IPP: variants seen among roughly 807,000 people sequenced by gnomAD.
IPP encodes the protein intracisternal A particle-promoted polypeptide, also known as actin-binding protein IPP.
Under a neutral mutation model 64.1 loss-of-function variants are expected in IPP, and 41 were observed. The observed-to-expected ratio is 0.64, with a 90% confidence interval of 0.50 to 0.83. IPP has a LOEUF of 0.83. IPP is among the 40% of genes least tolerant of loss of function. The pLI, the probability that IPP is intolerant of heterozygous loss-of-function variation, is 0.00. For missense variants in IPP, 649 were observed against 703.0 expected (o/e 0.92, Z 0.87); for synonymous variants, 214 against 235.2 (o/e 0.91, Z 0.83).
intron 8 of IPP, among the ~76,000 whole-genome samples, chr1:45,700,546 C>T (rs1645439003): frequency 6.6e-6 from 1 of 152,010 alleles, no homozygotes; most frequent in South Asian, 2.1e-4. Flanking sequence ...CCATGTTGTC[C>T]AGGATGGTCT....
chr1:45,702,378 T>C (rs1259107796), intron 8 of IPP, among the ~76,000 whole-genome samples: 1 of 151,468 alleles, frequency 6.6e-6, no homozygotes, highest in Non-Finnish European at 1.5e-5. Flanking sequence ...GTAACACAAA[T>C]TGTTAGTAGG....
intron 3 of IPP, among the ~76,000 whole-genome samples, chr1:45,738,192 G>A (rs1309056102): frequency 6.6e-6 from 1 of 152,078 alleles, no homozygotes; most frequent in East Asian, 1.9e-4. Flanking sequence ...GCACAGAGTG[G>A]CAAAAAATTT....
At chr1:45,733,462 C>T (rs1352642419) in intron 3 of IPP, among the ~76,000 whole-genome samples, 1 of 137,942 alleles carries the variant, frequency 7.2e-6, no homozygotes, top group Non-Finnish European at 1.6e-5. Flanking sequence ...AATAAATAAG[C>T]AAGTCATTAA....
chr1:45,723,179 G>A (rs531913206), intron 5 of IPP, among the ~76,000 whole-genome samples: 8 of 151,996 alleles, frequency 5.3e-5, no homozygotes, highest in Non-Finnish European at 7.4e-5. Context: ...TGTATGTATC[G>A]GGAAGAAACT....
In IPP at chr1:45,699,868, A is replaced by G; in HGVS notation, c.*98T>C. 6.6e-7 allele frequency: 1 copy of G among 1,526,556 alleles called. No individual in the cohort carries two copies. The highest frequency in any genetic ancestry group is 8.8e-7 in the Non-Finnish European group (1 of 1,140,596). The allele number at this position is 1,526,556 out of a possible 1,614,324, so 94.6% of individuals were successfully genotyped here. On this transcript the variant is annotated 3_prime_UTR_variant, in exon 9 of 9. Coordinates refer to ENST00000396478, the MANE Select transcript of IPP (RefSeq NM_005897.3). Reference sequence around the variant, plus strand: ...TCTACCAAATACATGGAAAACTCACAGAATCAGAGGGTCTTATCACCAAAT... The same window carrying G: ...TCTACCAAATACATGGAAAACTCACGGAATCAGAGGGTCTTATCACCAAAT...
At chr1:45,728,198 C>T (rs1440389555) in intron 4 of IPP, among the ~76,000 whole-genome samples, 1 of 150,660 alleles carries the variant, frequency 6.6e-6, no homozygotes, top group Non-Finnish European at 1.5e-5. Flanking sequence ...CACTCTGTCA[C>T]CCAGGCTGGA....
intron 8 of IPP, among the ~76,000 whole-genome samples, chr1:45,701,585 C>T (rs1240573516): frequency 6.6e-6 from 1 of 152,090 alleles, no homozygotes; most frequent in Non-Finnish European, 1.5e-5. Flanking sequence ...CCGCACCCAG[C>T]GACTAGTAGT....
At chr1:45,697,547 C>T (rs752801819), downstream of IPP, among the ~76,000 whole-genome samples, 2 of 152,070 alleles carry the variant, frequency 1.3e-5, no homozygotes, top group African/African-American at 2.4e-5. Context: ...CCACGGTGCC[C>T]GGCCTAAACC....
intron 8 of IPP, among the ~76,000 whole-genome samples, chr1:45,705,050 G>A (rs1252238655): frequency 6.6e-6 from 1 of 152,212 alleles, no homozygotes; most frequent in Non-Finnish European, 1.5e-5. Flanking sequence ...GAGTAGCCCC[G>A]CTCTGCAGAA....
At chr1:45,697,088 C>T (rs1048773575), downstream of IPP, 13 of 152,120 alleles carry the variant, frequency 8.5e-5, no homozygotes, top group African/African-American at 3.1e-4. Context: ...TATTCTTTGA[C>T]ATCTTACAGA....
At chr1:45,724,887 T>TGGGG (rs1165662776) in intron 5 of IPP, among the ~76,000 whole-genome samples, 2 of 127,160 alleles carry the variant, frequency 1.6e-5, no homozygotes, top group Non-Finnish European at 3.4e-5. Context: ...GGGAGGGAGG[T>TGGGG]GGGGGGGGTC....
At chr1:45,697,541 G>A (rs562663214), downstream of IPP, among the ~76,000 whole-genome samples, 2 of 152,106 alleles carry the variant, frequency 1.3e-5, no homozygotes, top group African/African-American at 4.8e-5. Flanking sequence ...CATAAGCCAC[G>A]GTGCCCGGCC....
intron 3 of IPP, among the ~76,000 whole-genome samples, chr1:45,730,875 G>A (rs1384115317): frequency 6.6e-6 from 1 of 152,200 alleles, no homozygotes; most frequent in South Asian, 2.1e-4. Flanking sequence ...AAGCAGAACT[G>A]AGAAAAGTTG....
intron 8 of IPP, among the ~76,000 whole-genome samples, chr1:45,705,949 G>T (rs897698092): frequency 9.2e-5 from 14 of 152,110 alleles, no homozygotes; most frequent in African/African-American, 3.4e-4. Context: ...AAACAGGTAC[G>T]CAGAAGGGGA....
chr1:45,698,824 T>A lies in IPP; in HGVS notation c.*1142A>T. 6.5e-6 allele frequency: 2 copies of A among 308,580 alleles called. No homozygotes were observed. The highest frequency in any genetic ancestry group is 9.4e-6 in the Non-Finnish European group (2 of 212,234). The allele number at this position is 308,580 out of a possible 1,614,324, so 19.1% of individuals were successfully genotyped here. On this transcript the variant is annotated 3_prime_UTR_variant, in exon 9 of 9. Coordinates refer to ENST00000396478, the MANE Select transcript of IPP (RefSeq NM_005897.3). The stretch of plus-strand genomic sequence containing the variant: ...GCCTTGACCTCCTGGGCTCAAGTGA[T>A]CCTGCAACCTCAGCCTCCCAAGCAG...
At chr1:45,716,170 A>G (rs964455242) in intron 7 of IPP, among the ~76,000 whole-genome samples, 1 of 152,212 alleles carries the variant, frequency 6.6e-6, no homozygotes, top group South Asian at 2.1e-4. Context: ...TCACAGGATT[A>G]TATGTTATGT....
chr1:45,735,743 C>T (rs1645971303), intron 3 of IPP, among the ~76,000 whole-genome samples: 1 of 100,672 alleles, frequency 9.9e-6, no homozygotes, highest in Admixed American at 9.9e-5. Flanking sequence ...AATTCTCCTG[C>T]CTCAGCCTCT....
rs1421499109 is a variant in IPP at position 45,746,284 on chromosome 1, A to G, written c.128T>C (p.Val43Ala). 10 of 1,614,154 alleles carry G rather than the reference A, an allele frequency of 6.2e-6. No homozygotes were observed. The highest frequency in any genetic ancestry group is 8.5e-6 in the Non-Finnish European group (10 of 1,180,028). Residue 43 changes from valine (V) to alanine (A), a missense_variant, in exon 2 of 9, where the codon GTT becomes GCT. Physicochemically the swap from Val to Ala is moderately conservative, Grantham distance 64. Transcript: ENST00000396478. Reference sequence around the variant, plus strand: ...ATGAGCTTTAAAACTTTCCTGTCCAACTTGCAGCTGCACATCACAGAAATG... The same window carrying G: ...ATGAGCTTTAAAACTTTCCTGTCCAGCTTGCAGCTGCACATCACAGAAATG... ...GQHFCDVQLQ[V>A]GQESFKAHRL...
At chr1:45,725,253 G>A (rs1645803418) in intron 5 of IPP, among the ~76,000 whole-genome samples, 3 of 136,602 alleles carry the variant, frequency 2.2e-5, no homozygotes, top group Non-Finnish European at 4.8e-5. Flanking sequence ...CCGTCCGGGA[G>A]GTGAGGGGCG....
Sources: allele counts gnomAD v4.1 joint callset (sites outside exome capture counted in the v4.1 genomes callset), GRCh38; gene constraint gnomAD v4.1.1; transcripts MANE v1.5; gene names NCBI Gene and HGNC (gene_info 2026-07-23, HGNC 2026-07-21).